The following ANKS1B variants were observed in gnomAD, a reference collection of about 807,000 sequenced individuals.
ANKS1B encodes ankyrin repeat and sterile alpha motif domain containing 1B.
ANKS1B carries 36 observed loss-of-function variants against 148.3 expected under a neutral mutation model. That is an observed-to-expected ratio of 0.24 (90% CI 0.19 to 0.32). The LOEUF (loss-of-function observed/expected upper bound fraction) is 0.32, where lower values mean the gene tolerates loss of function less well. Ranked by LOEUF, ANKS1B falls within the 10% of genes least tolerant of loss-of-function variation. The pLI is 1.00. For synonymous variants in ANKS1B, 542 were observed against 560.8 expected (o/e 0.97, Z 0.47); for missense variants, 1,157 against 1,542.6 (o/e 0.75, Z 4.19).
At chr12:99,777,653 C>T (rs2063789510) in intron 6 of ANKS1B, among the ~76,000 whole-genome samples, 2 of 152,018 alleles carry the variant, frequency 1.3e-5, no homozygotes, top group South Asian at 4.1e-4. Flanking sequence ...GGCGCGATCT[C>T]GGCTCACTGC....
chr12:99,874,856 T>C (rs992885554), intron 1 of ANKS1B, among the ~76,000 whole-genome samples: 2 of 152,172 alleles, frequency 1.3e-5, no homozygotes, highest in African/African-American at 4.8e-5. Flanking sequence ...GGTGTGATGT[T>C]CAAAATACAC....
intron 19 of ANKS1B, among the ~76,000 whole-genome samples, chr12:98,808,677 A>C (rs187036625): frequency 6.6e-6 from 1 of 152,218 alleles, no homozygotes; most frequent in East Asian, 1.9e-4. Flanking sequence ...CTCAGAACCA[A>C]ACACTAAACT....
In ANKS1B at chr12:99,696,579, A is replaced by G. The variant is rs561907562; in HGVS notation, c.1129-41369T>C. 3.3e-4 allele frequency among the ~76,000 whole-genome samples: 51 copies of G among 152,316 alleles called. 1 individual carries two copies. Among genetic ancestry groups the G allele is most frequent in the African/African-American group, 1.2e-3 (51 of 41,592 alleles). On this transcript the variant is annotated intron_variant, in intron 8 of 26. Coordinates refer to ENST00000683438, the MANE Select transcript of ANKS1B (RefSeq NM_001352186.2). ...TACACTTTTCACAAATTAATTCAAA[A>G]TGGATCATAAGCCTAAATGTAAAAT...
At chr12:99,726,833 A>C (rs1463260003) in intron 8 of ANKS1B, among the ~76,000 whole-genome samples, 1 of 152,220 alleles carries the variant, frequency 6.6e-6, no homozygotes, top group Non-Finnish European at 1.5e-5. Flanking sequence ...GGCTAGTTCA[A>C]CATACACAAA....
At chr12:98,915,221 A>C (rs2099792612) in intron 17 of ANKS1B, among the ~76,000 whole-genome samples, 1 of 152,206 alleles carries the variant, frequency 6.6e-6, no homozygotes, top group Non-Finnish European at 1.5e-5. Context: ...AGAGAAGGAG[A>C]TATCCATAGA....
chr12:99,154,196 T>C (rs901775714), intron 15 of ANKS1B, 93 bp downstream of exon 15: 11 of 1,493,586 alleles, frequency 7.4e-6, no homozygotes, highest in Middle Eastern at 3.5e-4. Flanking sequence ...CTGACCAGTT[T>C]TGGTGCAAAT....
intron 9 of ANKS1B, among the ~76,000 whole-genome samples, chr12:99,580,997 C>T (rs370625086): frequency 6.6e-6 from 1 of 152,176 alleles, no homozygotes; most frequent in South Asian, 2.1e-4. Context: ...ATATTCAGTG[C>T]AATCACAGTA....
chr12:99,496,616 C>T (rs1425873700), intron 10 of ANKS1B, among the ~76,000 whole-genome samples: 1 of 152,130 alleles, frequency 6.6e-6, no homozygotes, highest in Non-Finnish European at 1.5e-5. Flanking sequence ...TAGTAAAATG[C>T]TCCTTGGAAA....
intron 12 of ANKS1B, among the ~76,000 whole-genome samples, chr12:99,308,292 ACTT>A (rs1209037934): frequency 2.6e-5 from 4 of 152,174 alleles, no homozygotes; most frequent in African/African-American, 9.6e-5. Context: ...TATTTCTCAT[ACTT>A]CTTCTTTAAA....
intron 2 of ANKS1B, among the ~76,000 whole-genome samples, chr12:99,813,870 A>T (rs556156590): frequency 1.1e-3 from 163 of 151,848 alleles, no homozygotes; most frequent in Middle Eastern, 3.4e-3. Flanking sequence ...AAACTACCTG[A>T]GGCTGTGATT....
At chr12:99,080,773 G>A (rs979261123) in intron 16 of ANKS1B, among the ~76,000 whole-genome samples, 1 of 152,166 alleles carries the variant, frequency 6.6e-6, no homozygotes, top group African/African-American at 2.4e-5. Context: ...TTGAAAATAA[G>A]TAATCAGGTA....
At chr12:99,526,247 T>C (rs566954905) in intron 9 of ANKS1B, among the ~76,000 whole-genome samples, 4 of 152,316 alleles carry the variant, frequency 2.6e-5, no homozygotes, top group South Asian at 4.1e-4. Context: ...TCTTTCTGGC[T>C]AATTTGTCAT....
chr12:99,169,387 C>A (rs1242992579), intron 14 of ANKS1B, among the ~76,000 whole-genome samples: 3 of 152,016 alleles, frequency 2.0e-5, no homozygotes, highest in Non-Finnish European at 2.9e-5. Flanking sequence ...GTTTGCTAAG[C>A]AGGAAAATGA....
chr12:98,916,586 T>C (rs1567767704), intron 17 of ANKS1B, among the ~76,000 whole-genome samples: 1 of 152,240 alleles, frequency 6.6e-6, no homozygotes, highest in Non-Finnish European at 1.5e-5. Context: ...ACATTGGGCA[T>C]GGGAAACTGA....
At chr12:99,781,196 A>C (rs1462523066) in intron 5 of ANKS1B, among the ~76,000 whole-genome samples, 1 of 152,188 alleles carries the variant, frequency 6.6e-6, no homozygotes, top group African/African-American at 2.4e-5. Flanking sequence ...GGTTTCCTCA[A>C]ATCATTTGTT....
chr12:98,837,319 G>A (rs989211423), intron 17 of ANKS1B, among the ~76,000 whole-genome samples: 1 of 150,682 alleles, frequency 6.6e-6, no homozygotes, highest in African/African-American at 2.4e-5. Context: ...CCTGGGCGAT[G>A]GAGCAAGACT....
intron 16 of ANKS1B, among the ~76,000 whole-genome samples, chr12:99,056,035 C>G (rs1456984813): frequency 6.6e-6 from 1 of 152,036 alleles, no homozygotes; most frequent in Non-Finnish European, 1.5e-5. Context: ...GGATGAAAGA[C>G]AAGGGCAGGG....
intron 17 of ANKS1B, among the ~76,000 whole-genome samples, chr12:98,835,744 T>C (rs546838587): frequency 5.9e-4 from 82 of 138,498 alleles, no homozygotes; most frequent in South Asian, 6.2e-4. Flanking sequence ...GATGGATAGA[T>C]GATAGATGAT....
chr12:99,823,245 T>C (rs1182861253), intron 2 of ANKS1B, among the ~76,000 whole-genome samples: 1 of 152,178 alleles, frequency 6.6e-6, no homozygotes, highest in Non-Finnish European at 1.5e-5. Flanking sequence ...ATAGTTTGTT[T>C]ATTGATAGTT....
Sources: gnomAD v4.1 joint callset for allele counts (sites outside exome capture counted in the v4.1 genomes callset) on GRCh38, gnomAD v4.1.1 for gene constraint, MANE v1.5 for transcripts, NCBI Gene and HGNC (gene_info 2026-07-23, HGNC 2026-07-21) for gene names.